PAK2: variants seen among roughly 807,000 people sequenced by gnomAD.
The protein encoded by PAK2 is serine/threonine-protein kinase PAK 2.
In PAK2, 21 loss-of-function variants were observed where a neutral mutation model predicts 65.9. That is an observed-to-expected ratio of 0.32 (90% CI 0.23 to 0.46). The LOEUF is 0.46. Among genes scored for constraint, PAK2 ranks in the 20% least tolerant of loss-of-function variants. The pLI is 1.00. For missense variants in PAK2, 324 were observed against 642.6 expected (o/e 0.50, Z 5.36); for synonymous variants, 204 against 219.7 (o/e 0.93, Z 0.63).
intron 2 of PAK2, among the ~76,000 whole-genome samples, chr3:196,785,758 G>A (rs570000644): frequency 2.1e-4 from 32 of 152,244 alleles, no homozygotes; most frequent in South Asian, 4.1e-4. Context: ...CAATTATGGC[G>A]GAAGGCAAGG....
At chr3:196,804,175 C>T (rs903428556) in intron 4 of PAK2, among the ~76,000 whole-genome samples, 9 of 152,266 alleles carry the variant, frequency 5.9e-5, no homozygotes, top group African/African-American at 2.2e-4. Flanking sequence ...GAGCTAAAAT[C>T]GTACATGTGG....
intron 2 of PAK2, among the ~76,000 whole-genome samples, chr3:196,785,285 A>G (rs187806923): frequency 2.0e-5 from 3 of 152,318 alleles, no homozygotes; most frequent in Admixed American, 2.0e-4. Flanking sequence ...GAGTCAGGAT[A>G]TAAAATGTAT....
At chr3:196,777,923 A>G (rs1483679889) in intron 1 of PAK2, among the ~76,000 whole-genome samples, 1 of 152,212 alleles carries the variant, frequency 6.6e-6, no homozygotes, top group Non-Finnish European at 1.5e-5. Flanking sequence ...TCACCATTTT[A>G]AAGTGTACAA....
At chr3:196,811,277 C>CCCTT (rs1553808504) in intron 8 of PAK2, among the ~76,000 whole-genome samples, 1 of 11,186 alleles carries the variant, frequency 8.9e-5, no homozygotes, top group African/African-American at 3.4e-4. Context: ...TCCCTTCCCT[C>CCCTT]CCTTCCCTCC....
chr3:196,777,157 TTTG>T (rs1714561723), intron 1 of PAK2, among the ~76,000 whole-genome samples: 2 of 152,222 alleles, frequency 1.3e-5, no homozygotes, highest in South Asian at 4.1e-4. Context: ...ATGTAATGGG[TTTG>T]TTGTTATTTT....
chr3:196,789,588 G>C (rs191706234), intron 2 of PAK2, among the ~76,000 whole-genome samples: 1 of 151,780 alleles, frequency 6.6e-6, no homozygotes, highest in Non-Finnish European at 1.5e-5. Context: ...TCAGCCTCCC[G>C]AGTAGCTGGG....
intron 10 of PAK2, 127 bp from the exon 11 acceptor site, chr3:196,814,324 C>T: frequency 1.7e-6 from 1 of 601,020 alleles, no homozygotes; most frequent in Non-Finnish European, 3.0e-6. Context: ...CAGTTTTCTT[C>T]CTAACTCTCA....
In PAK2 at chr3:196,810,670, G is replaced by A. The variant is rs769826443; in HGVS notation, c.773+17G>A. The A allele has an allele frequency of 8.2e-7, 1 of 1,220,994 alleles. No individual in the cohort carries two copies. The highest frequency in any genetic ancestry group is 1.2e-5 in the South Asian group (1 of 82,702). The allele number at this position is 1,220,994 out of a possible 1,614,324, so 75.6% of individuals were successfully genotyped here. ...TGGACAAGGGTAAGTATTTGTGACT[G>A]TATTACGATAATATTCAGTATTCAG... On this transcript the variant is annotated intron_variant, in intron 8 of 14. Coordinates refer to ENST00000327134, the MANE Select transcript of PAK2 (RefSeq NM_002577.4).
At position 196,827,298 on chromosome 3, in the gene PAK2, G is replaced by A; in HGVS notation, c.1453G>A (p.Val485Met). 1.2e-6 allele frequency: 2 copies of A among 1,611,892 alleles called. No individual in the cohort carries two copies. The highest frequency in any genetic ancestry group is 2.2e-5 in the East Asian group (1 of 44,858). The change falls in exon 14 of 15, where the codon GTG becomes ATG. Residue 485 changes from valine to methionine, a missense_variant. Around this residue, in one of 5 missense-constraint regions of PAK2, gnomAD observed 43 missense variants for 67.6 expected, o/e 0.64. Coordinates refer to ENST00000327134, the MANE Select transcript of PAK2 (RefSeq NM_002577.4). ...DFLNRCLEMD[V>M]EKRGSAKELL... The stretch of plus-strand genomic sequence containing the variant: ...CTTAAATCGATGTTTGGAAATGGAT[G>A]TGGAAAAAAGGGGTTCAGCCAAAGA...
Position 196,828,698 on chromosome 3 carries a change from A to G in PAK2, c.*293A>G, listed in dbSNP as rs1711965545. 3.2e-6 allele frequency: 1 copy of G among 316,208 alleles called. No homozygotes were observed. Among genetic ancestry groups the G allele is most frequent in the South Asian group, 3.9e-5 (1 of 25,536 alleles). The allele number at this position is 316,208 out of a possible 1,614,324, so 19.6% of individuals were successfully genotyped here. On this transcript the variant is annotated 3_prime_UTR_variant, in exon 15 of 15. Transcript: ENST00000327134. Reference sequence around the variant, plus strand: ...TTATCATGTGTGAGATTTGCATTTTACTTTGCTGACTTTGTTGTAATAGAT... The same window carrying G: ...TTATCATGTGTGAGATTTGCATTTTGCTTTGCTGACTTTGTTGTAATAGAT...
At chr3:196,752,837 C>G (rs1713649933) in intron 1 of PAK2, among the ~76,000 whole-genome samples, 2 of 151,766 alleles carry the variant, frequency 1.3e-5, no homozygotes, top group African/African-American at 4.8e-5. Flanking sequence ...AGTGATCCGT[C>G]TGCCTTGGCC....
chr3:196,799,973 G>A (rs935497955), intron 2 of PAK2, among the ~76,000 whole-genome samples: 3 of 152,168 alleles, frequency 2.0e-5, no homozygotes, highest in Non-Finnish European at 2.9e-5. Context: ...AAAGCGTACC[G>A]AACGGATGAA....
chr3:196,774,222 A>C (rs116946174), intron 1 of PAK2, among the ~76,000 whole-genome samples: 1 of 152,224 alleles, frequency 6.6e-6, no homozygotes, highest in South Asian at 2.1e-4. Flanking sequence ...TAGCATAAGT[A>C]AGAAAAAAGA....
intron 2 of PAK2, among the ~76,000 whole-genome samples, chr3:196,783,395 T>C (rs1280060137): frequency 6.6e-6 from 1 of 152,030 alleles, no homozygotes; most frequent in Non-Finnish European, 1.5e-5. Context: ...TGCAGGGACC[T>C]ATCCCCTGGG....
chr3:196,808,387 C>T (rs938150000), intron 7 of PAK2, among the ~76,000 whole-genome samples: 1 of 151,460 alleles, frequency 6.6e-6, no homozygotes, highest in African/African-American at 2.4e-5. Flanking sequence ...ATGGTGAAAC[C>T]CCTCCTCTAC....
chr3:196,745,818 T>TAAAAAAAAA (rs747996109), intron 1 of PAK2, among the ~76,000 whole-genome samples: 1 of 142,174 alleles, frequency 7.0e-6, no homozygotes, highest in African/African-American at 2.6e-5. Context: ...CATCTCTAAG[T>TAAAAAAAAA]AAAAAAAAAA....
rs142326821 is a variant in PAK2, at chr3:196,793,900, G to A, written c.188-8027G>A. ...AATCCCAGCACTTTGGGAAGCCAAG[G>A]TGGGTGGATCACTTGAGATCAGAAG... On this transcript the variant is annotated intron_variant, in intron 2 of 14. Transcript: ENST00000327134. Among the ~76,000 whole-genome samples, 317 of 152,316 alleles carry A rather than the reference G, an allele frequency of 2.1e-3. 1 individual carries two copies. The highest frequency in any genetic ancestry group is 7.3e-3 in the African/African-American group (302 of 41,562).
chr3:196,827,313 T>A lies in PAK2; in HGVS notation c.1468T>A (p.Ser490Thr), dbSNP rs1711910922. 6.2e-7 allele frequency: 1 copy of A among 1,609,538 alleles called. No individual in the cohort carries two copies. The highest frequency in any genetic ancestry group is 8.5e-7 in the Non-Finnish European group (1 of 1,178,702). ...GGAAATGGATGTGGAAAAAAGGGGT[T>A]CAGCCAAAGAATTATTACAGGTAAA... ...CLEMDVEKRGSAKELLQHPFL... is the reference protein window; with the variant it reads ...CLEMDVEKRGTAKELLQHPFL... The change falls in exon 14 of 15, where the codon TCA (serine) becomes ACA (threonine). Residue 490 changes from serine (S) to threonine (T), a missense_variant. By Grantham distance (58) the Ser-to-Thr change is moderately conservative. Coordinates refer to ENST00000327134, the MANE Select transcript of PAK2 (RefSeq NM_002577.4).
chr3:196,832,047 G>T lies in PAK2; in HGVS notation c.*3642G>T, dbSNP rs1429611952. 1.3e-5 allele frequency: 2 copies of T among 152,212 alleles called. No homozygotes were observed. Among genetic ancestry groups the T allele is most frequent in the African/African-American group, 4.8e-5 (2 of 41,462 alleles). The allele number at this position is 152,212 out of a possible 1,614,324, so 9.4% of individuals were successfully genotyped here. A position where few individuals can be genotyped will look rare whatever the true frequency, so the allele number is the denominator to read the frequency against. ...GATTGAACACTCTGGCAAAGATGCT[G>T]TGGTGGATGAGGTTGGAGTTCGAAA... On this transcript the variant is annotated 3_prime_UTR_variant, in exon 15 of 15. Transcript: ENST00000327134.
Sources: gnomAD v4.1 joint callset for allele counts (sites outside exome capture counted in the v4.1 genomes callset) on GRCh38, gnomAD v4.1.1 for gene constraint, gnomAD v4.1.1 regional missense constraint, MANE v1.5 for transcripts, NCBI Gene and HGNC (gene_info 2026-07-23, HGNC 2026-07-21) for gene names.